The following ZNF507 variants were observed in gnomAD, a reference collection of about 807,000 sequenced individuals.
ZNF507 encodes the protein zinc finger protein 507.
A neutral mutation model predicts 80.0 loss-of-function variants in ZNF507; 29 were observed. That is an observed-to-expected ratio of 0.36 (90% CI 0.27 to 0.49). ZNF507 has a LOEUF of 0.49. Ranked by LOEUF, ZNF507 falls within the 20% of genes least tolerant of loss-of-function variation. The pLI is 0.98. For missense variants in ZNF507, 1,081 were observed against 1,152.2 expected (o/e 0.94, Z 0.90); for synonymous variants, 462 against 422.5 (o/e 1.09, Z -1.15).
At chr19:32,350,023 T>G (rs1967141696) in intron 2 of ZNF507, among the ~76,000 whole-genome samples, 1 of 152,206 alleles carries the variant, frequency 6.6e-6, no homozygotes, top group African/African-American at 2.4e-5. Context: ...CCACTGACAT[T>G]GTATGTATAC....
At chr19:32,374,442 C>T (rs1967518772) in intron 5 of ZNF507, among the ~76,000 whole-genome samples, 1 of 148,970 alleles carries the variant, frequency 6.7e-6, no homozygotes, top group Admixed American at 6.7e-5. Flanking sequence ...ATCATTTTCT[C>T]ATACTTTCCT....
At chr19:32,351,651 G>C (rs545339421) in intron 2 of ZNF507, among the ~76,000 whole-genome samples, 2 of 151,690 alleles carry the variant, frequency 1.3e-5, no homozygotes, top group South Asian at 4.2e-4. Context: ...TAAGAATTCA[G>C]AGCCTGGGAC....
At chr19:32,375,067 T>TA (rs758072574) in intron 5 of ZNF507, among the ~76,000 whole-genome samples, 9 of 151,446 alleles carry the variant, frequency 5.9e-5, no homozygotes, top group Non-Finnish European at 1.0e-4. Context: ...CAGTAGGAAA[T>TA]ACACAGCTAT....
At chr19:32,374,451 C>T (rs1816839098) in intron 5 of ZNF507, among the ~76,000 whole-genome samples, 1 of 147,356 alleles carries the variant, frequency 6.8e-6, no homozygotes, top group Non-Finnish European at 1.5e-5. Context: ...TCATACTTTC[C>T]TTTCTATTTA....
chr19:32,379,760 A>G (rs887243362), intron 5 of ZNF507, among the ~76,000 whole-genome samples: 3 of 151,994 alleles, frequency 2.0e-5, no homozygotes, highest in African/African-American at 7.3e-5. Flanking sequence ...TTCTGGTGCT[A>G]AGTGTAGATC....
chr19:32,367,621 T>G (rs1028793360), intron 5 of ZNF507, among the ~76,000 whole-genome samples: 1 of 152,214 alleles, frequency 6.6e-6, no homozygotes, highest in Non-Finnish European at 1.5e-5. Context: ...GTCTGTTGAG[T>G]AAGGTAGACG....
At chr19:32,359,547 A>G (rs1568305079) in intron 4 of ZNF507, 1 of 152,222 alleles carries the variant, frequency 6.6e-6, no homozygotes, top group Non-Finnish European at 1.5e-5. Flanking sequence ...ACAGACAAGT[A>G]CATGAAGCGT....
chr19:32,379,312 G>GT (rs910183621), intron 5 of ZNF507, among the ~76,000 whole-genome samples: 4 of 152,090 alleles, frequency 2.6e-5, no homozygotes, highest in African/African-American at 9.7e-5. Flanking sequence ...TAAGGTTAGG[G>GT]TTTTTTTGTA....
rs1967663830 is a variant in ZNF507, at chr19:32,384,512, A to G, written c.*1429A>G. ...CACGGTGCTATTTCCGAATATCTGAATATTGATTTCTAACACCTGGATGAG... is the reference window on the plus strand; with the variant it reads ...CACGGTGCTATTTCCGAATATCTGAGTATTGATTTCTAACACCTGGATGAG... On this transcript the variant is annotated 3_prime_UTR_variant, in exon 7 of 7. Coordinates refer to ENST00000355898, the MANE Select transcript of ZNF507 (RefSeq NM_001136156.2). 1 of 152,192 alleles carries G rather than the reference A, an allele frequency of 6.6e-6. No homozygotes were observed. The highest frequency in any genetic ancestry group is 1.5e-5 in the Non-Finnish European group (1 of 68,052). 9.4% of individuals were successfully genotyped at this position (152,192 alleles called of 1,614,324 possible).
At chr19:32,366,033 G>T (rs1261895215) in intron 5 of ZNF507, among the ~76,000 whole-genome samples, 1 of 152,068 alleles carries the variant, frequency 6.6e-6, no homozygotes, top group Non-Finnish European at 1.5e-5. Context: ...TAGAATAGCT[G>T]CCCAAATAAT....
At chr19:32,354,990 C>T in intron 3 of ZNF507, 33 bp downstream of exon 3, 2 of 1,538,390 alleles carry the variant, frequency 1.3e-6, no homozygotes, top group East Asian at 4.5e-5. Flanking sequence ...TTTCAGAGGA[C>T]CTTCGCATCT....
Position 32,380,687 on chromosome 19 carries a change from G to T in ZNF507, c.2361-1780G>T. 7.0e-6 allele frequency: 10 copies of T among 1,423,132 alleles called. No individual in the cohort carries two copies. The South Asian group carries it at 9.8e-5, about 14-fold the overall frequency. 88.2% of individuals were successfully genotyped at this position (1,423,132 alleles called of 1,614,324 possible). On this transcript the variant is annotated intron_variant, in intron 5 of 6. Coordinates refer to ENST00000355898, the MANE Select transcript of ZNF507 (RefSeq NM_001136156.2). ...TTAACAAAAATGTCTTTGGAAAAGT[G>T]CATTTGCAGTTTCCTAAAAAGATGA...
chr19:32,363,059 T>C (rs778374378), intron 5 of ZNF507, among the ~76,000 whole-genome samples: 16 of 152,240 alleles, frequency 1.1e-4, no homozygotes, highest in Non-Finnish European at 2.1e-4. Context: ...TCCTATACTG[T>C]GTGCTTTAAG....
chr19:32,376,903 C>CAG (rs201715251), intron 5 of ZNF507, among the ~76,000 whole-genome samples: 5 of 151,488 alleles, frequency 3.3e-5, no homozygotes, highest in African/African-American at 9.7e-5. Flanking sequence ...GCAGCAGAGG[C>CAG]AGAGAGAGAG....
At position 32,387,524 on chromosome 19, in the gene ZNF507, G is replaced by A. The variant is rs1368188162; in HGVS notation, c.*4441G>A. 2 of 152,206 alleles carry A rather than the reference G, an allele frequency of 1.3e-5. No individual in the cohort carries two copies. The highest frequency in any genetic ancestry group is 4.8e-5 in the African/African-American group (2 of 41,456). 9.4% of individuals were successfully genotyped at this position (152,206 alleles called of 1,614,324 possible). ...TGGAAGCTCTAGAACGTATGGTCCA[G>A]TGTGGCAGCCACTATAATATCTAAG... On this transcript the variant is annotated 3_prime_UTR_variant, in exon 7 of 7. Coordinates refer to ENST00000355898, the MANE Select transcript of ZNF507 (RefSeq NM_001136156.2).
Position 32,353,366 on chromosome 19 carries a change from A to T in ZNF507, c.536A>T (p.Asp179Val), listed in dbSNP as rs1176626497. The change falls in exon 3 of 7, where the codon GAC becomes GTC. Residue 179 changes from aspartate to valine, a missense_variant. Asp to Val is a radical substitution (Grantham distance 152, BLOSUM62 -3). Transcript: ENST00000355898. Reference protein sequence around the residue: ...ELEAHVVNDHDNDANIHTQSK... With the variant: ...ELEAHVVNDHVNDANIHTQSK... ...GAAGCCCACGTGGTGAATGACCATGACAATGATGCCAATATCCACACCCAA... is the reference window on the plus strand; with the variant it reads ...GAAGCCCACGTGGTGAATGACCATGTCAATGATGCCAATATCCACACCCAA... The T allele has an allele frequency of 6.2e-7, 1 of 1,614,252 alleles. No individual in the cohort carries two copies. The highest frequency in any genetic ancestry group is 8.5e-7 in the Non-Finnish European group (1 of 1,180,044).
rs749338773 is a variant in ZNF507 at position 32,383,912 on chromosome 19, A to G, written c.*829A>G. On this transcript the variant is annotated 3_prime_UTR_variant, in exon 7 of 7. Coordinates refer to ENST00000355898, the MANE Select transcript of ZNF507 (RefSeq NM_001136156.2). The stretch of plus-strand genomic sequence containing the variant: ...TTTCTCCATAGTACGTAGACCTTCT[A>G]ATACTCTGCTAAATGAAACCACACT... The G allele has an allele frequency of 3.3e-5, 5 of 152,216 alleles. No homozygotes were observed. The highest frequency in any genetic ancestry group is 4.8e-5 in the African/African-American group (2 of 41,458). 9.4% of individuals were successfully genotyped at this position (152,216 alleles called of 1,614,324 possible).
At chr19:32,374,763 T>G (rs1967524127) in intron 5 of ZNF507, among the ~76,000 whole-genome samples, 1 of 152,180 alleles carries the variant, frequency 6.6e-6, no homozygotes, top group South Asian at 2.1e-4. Flanking sequence ...ATTACAGGCA[T>G]GAGCCACCAC....
At chr19:32,365,117 T>A (rs765719924) in intron 5 of ZNF507, among the ~76,000 whole-genome samples, 43 of 152,242 alleles carry the variant, frequency 2.8e-4, no homozygotes, top group Non-Finnish European at 5.1e-4. Context: ...TTTTCATATG[T>A]TTGTTGGCCA....
Sources: gnomAD v4.1 joint callset for allele counts (sites outside exome capture counted in the v4.1 genomes callset) on GRCh38, gnomAD v4.1.1 for gene constraint, MANE v1.5 for transcripts, NCBI Gene and HGNC (gene_info 2026-07-23, HGNC 2026-07-21) for gene names.